Variants in CDH13 observed in about 807,000 individuals in gnomAD.
CDH13 encodes cadherin 13.
A neutral mutation model predicts 63.8 loss-of-function variants in CDH13; 24 were observed. The ratio of observed to expected loss-of-function variants is 0.38; its 90% confidence interval spans 0.27 to 0.53. The LOEUF is 0.53. Ranked by LOEUF, CDH13 falls within the 20% of genes least tolerant of loss-of-function variation. CDH13 has a pLI of 0.85. For synonymous variants in CDH13, 503 were observed against 355.3 expected (o/e 1.42, Z -4.67); for missense variants, 1,049 against 903.1 (o/e 1.16, Z -2.07).
At chr16:83,584,245 C>T (rs539055972) in intron 7 of CDH13, among the ~76,000 whole-genome samples, 3 of 152,232 alleles carry the variant, frequency 2.0e-5, no homozygotes, top group South Asian at 2.1e-4. Context: ...AGGAGAATGG[C>T]GTGAACCCAG....
At chr16:82,725,657 C>G (rs1246301673) in intron 1 of CDH13, among the ~76,000 whole-genome samples, 6 of 152,134 alleles carry the variant, frequency 3.9e-5, no homozygotes, top group African/African-American at 1.4e-4. Context: ...GGTGGCTTTT[C>G]TCTATACATT....
At chr16:83,566,957 A>G (rs1012489425) in intron 7 of CDH13, among the ~76,000 whole-genome samples, 1 of 152,100 alleles carries the variant, frequency 6.6e-6, no homozygotes, top group Non-Finnish European at 1.5e-5. Flanking sequence ...TTCTTTCTCT[A>G]CTTCCTCACG....
intron 2 of CDH13, among the ~76,000 whole-genome samples, chr16:82,963,034 C>T (rs2151346850): frequency 6.6e-6 from 1 of 151,950 alleles, no homozygotes; most frequent in Admixed American, 6.5e-5. Flanking sequence ...CTAGTAACAC[C>T]TAAAACTTCC....
chr16:83,394,340 T>A (rs1413186465), intron 6 of CDH13, among the ~76,000 whole-genome samples: 1 of 151,694 alleles, frequency 6.6e-6, no homozygotes, highest in Non-Finnish European at 1.5e-5. Context: ...GCTGCTTGTC[T>A]GGGAAAGCAA....
At chr16:82,849,532 G>C (rs868700020) in intron 1 of CDH13, among the ~76,000 whole-genome samples, 1 of 152,142 alleles carries the variant, frequency 6.6e-6, no homozygotes, top group African/African-American at 2.4e-5. Flanking sequence ...AAAGTGTGAG[G>C]TGAAGCAGGA....
At chr16:82,630,064 G>A (rs977499660) in intron 1 of CDH13, among the ~76,000 whole-genome samples, 2 of 152,196 alleles carry the variant, frequency 1.3e-5, no homozygotes, top group Non-Finnish European at 1.5e-5. Context: ...ATAAAGTGGG[G>A]AGTTCTCTCT....
chr16:83,267,225 C>G (rs1907731536), intron 5 of CDH13, among the ~76,000 whole-genome samples: 1 of 152,154 alleles, frequency 6.6e-6, no homozygotes, highest in South Asian at 2.1e-4. Context: ...TCACAAAACA[C>G]AAAGGCTGAA....
chr16:83,226,092 A>G (rs970142752), intron 5 of CDH13, among the ~76,000 whole-genome samples: 1 of 152,210 alleles, frequency 6.6e-6, no homozygotes, highest in African/African-American at 2.4e-5. Flanking sequence ...GTGCTTGTGA[A>G]AAAATAATTC....
chr16:82,798,429 A>G (rs1185963195), intron 1 of CDH13, among the ~76,000 whole-genome samples: 1 of 152,148 alleles, frequency 6.6e-6, no homozygotes, highest in Non-Finnish European at 1.5e-5. Flanking sequence ...TCTGCTTTCA[A>G]TACAGGGTTT....
chr16:83,303,986 T>C (rs1310901613), intron 5 of CDH13, among the ~76,000 whole-genome samples: 1 of 152,190 alleles, frequency 6.6e-6, no homozygotes, highest in Non-Finnish European at 1.5e-5. Flanking sequence ...ATTGGGCTTT[T>C]TCTAGTCTCT....
intron 1 of CDH13, among the ~76,000 whole-genome samples, chr16:82,694,050 A>G (rs537805664): frequency 3.9e-5 from 6 of 152,260 alleles, no homozygotes; most frequent in African/African-American, 1.4e-4. Flanking sequence ...AAATAAAAAT[A>G]AAACATATAC....
intron 3 of CDH13, among the ~76,000 whole-genome samples, chr16:83,050,283 C>G (rs2030158276): frequency 1.3e-5 from 2 of 152,232 alleles, no homozygotes; most frequent in East Asian, 1.9e-4. Flanking sequence ...ATGTTCAACT[C>G]TTTGAGAAAC....
At chr16:83,698,570 C>T (rs1340681983) in intron 10 of CDH13, among the ~76,000 whole-genome samples, 1 of 152,174 alleles carries the variant, frequency 6.6e-6, no homozygotes, top group Admixed American at 6.5e-5. Context: ...CAGACAGGGG[C>T]TGCTCTTGGA....
intron 1 of CDH13, among the ~76,000 whole-genome samples, chr16:82,811,173 G>A (rs1411831521): frequency 6.6e-6 from 1 of 152,176 alleles, no homozygotes; most frequent in Non-Finnish European, 1.5e-5. Flanking sequence ...GCTTGTCAAA[G>A]CTGATTACGC....
intron 4 of CDH13, among the ~76,000 whole-genome samples, chr16:83,138,528 G>C (rs1026580924): frequency 2.0e-5 from 3 of 152,204 alleles, no homozygotes; most frequent in Non-Finnish European, 4.4e-5. Context: ...AGGGACGGTG[G>C]TCTGTCCAGA....
At chr16:82,916,934 A>G (rs543983820) in intron 2 of CDH13, among the ~76,000 whole-genome samples, 9 of 152,350 alleles carry the variant, frequency 5.9e-5, no homozygotes, top group African/African-American at 2.2e-4. Flanking sequence ...GCAAACTAAA[A>G]TTATGTGAAA....
intron 1 of CDH13, among the ~76,000 whole-genome samples, chr16:82,814,226 G>A (rs932471216): frequency 2.6e-5 from 4 of 152,062 alleles, no homozygotes; most frequent in Non-Finnish European, 4.4e-5. Context: ...CCTGAGTGAC[G>A]GGAACATCTG....
chr16:83,043,634 G>A (rs536870296), intron 3 of CDH13, among the ~76,000 whole-genome samples: 1 of 151,964 alleles, frequency 6.6e-6, no homozygotes, highest in Admixed American at 6.6e-5. Flanking sequence ...CAAGGCAGGC[G>A]GATCACTTGA....
chr16:82,984,929 C>A (rs1309564334), intron 2 of CDH13, among the ~76,000 whole-genome samples: 3 of 152,174 alleles, frequency 2.0e-5, no homozygotes, highest in Admixed American at 6.5e-5. Context: ...AACTCTCCAG[C>A]ATCTGCAATA....
Sources: allele counts gnomAD v4.1 joint callset (sites outside exome capture counted in the v4.1 genomes callset), GRCh38; gene constraint gnomAD v4.1.1; transcripts MANE v1.5; gene names NCBI Gene and HGNC (gene_info 2026-07-23, HGNC 2026-07-21).